TENT4B: variants seen among roughly 807,000 people sequenced by gnomAD.
The protein encoded by TENT4B is PAP associated domain containing 5.
In TENT4B, 10 loss-of-function variants were observed where a neutral mutation model predicts 75.0. That is an observed-to-expected ratio of 0.13 (90% CI 0.08 to 0.23). The LOEUF is 0.23. TENT4B is among the 10% of genes least tolerant of loss of function. The probability of loss-of-function intolerance (pLI) is 1.00; values close to 1 mark genes in which losing one functional copy is unlikely to be tolerated. For synonymous variants in TENT4B, 350 were observed against 357.7 expected, an observed-to-expected ratio of 0.98 and a Z score of 0.24; for missense variants, 579 against 893.8, an observed-to-expected ratio of 0.65 and a Z score of 4.49.
intron 1 of TENT4B, among the ~76,000 whole-genome samples, chr16:50,166,351 C>T (rs751396941): frequency 1.3e-5 from 2 of 152,188 alleles, no homozygotes; most frequent in Non-Finnish European, 2.9e-5. Context: ...TCCCAGAGTT[C>T]TGGGATTACA....
chr16:50,187,517 A>T (rs1170626203), intron 1 of TENT4B, among the ~76,000 whole-genome samples: 1 of 152,194 alleles, frequency 6.6e-6, no homozygotes, highest in East Asian at 1.9e-4. Context: ...CAGGAGGCGG[A>T]GGTTGCAGTG....
chr16:50,171,331 G>A (rs1343640173), intron 1 of TENT4B, among the ~76,000 whole-genome samples: 1 of 152,160 alleles, frequency 6.6e-6, no homozygotes, highest in South Asian at 2.1e-4. Flanking sequence ...AGCCTAGGAA[G>A]TTGAGGCTGC....
chr16:50,214,750 T>C (rs1729025695), intron 3 of TENT4B, among the ~76,000 whole-genome samples: 1 of 152,144 alleles, frequency 6.6e-6, no homozygotes, highest in Non-Finnish European at 1.5e-5. Context: ...TACCAAGACA[T>C]AGATGGTACA....
chr16:50,184,562 G>A (rs905900953), intron 1 of TENT4B, among the ~76,000 whole-genome samples: 2 of 152,194 alleles, frequency 1.3e-5, no homozygotes, highest in Non-Finnish European at 2.9e-5. Context: ...AGCTACGCAG[G>A]AGGCTGAGGC....
chr16:50,189,797 A>T (rs112124385), intron 1 of TENT4B, among the ~76,000 whole-genome samples: 6 of 152,004 alleles, frequency 3.9e-5, no homozygotes, highest in African/African-American at 1.5e-4. Context: ...ACGTAATCCC[A>T]GCACTTTGGG....
chr16:50,155,377 G>C (rs536837358), intron 1 of TENT4B, among the ~76,000 whole-genome samples: 27 of 150,984 alleles, frequency 1.8e-4, no homozygotes, highest in African/African-American at 6.6e-4. Flanking sequence ...TTTACATTGA[G>C]GGCTTTAGCA....
At chr16:50,185,840 AG>A (rs1347025147) in intron 1 of TENT4B, among the ~76,000 whole-genome samples, 1 of 152,078 alleles carries the variant, frequency 6.6e-6, no homozygotes, top group African/African-American at 2.4e-5. Context: ...CTGTCCTCAG[AG>A]GCAAATGTGT....
chr16:50,214,673 A>G (rs1204465330), intron 3 of TENT4B, among the ~76,000 whole-genome samples: 1 of 152,174 alleles, frequency 6.6e-6, no homozygotes, highest in Non-Finnish European at 1.5e-5. Flanking sequence ...AAGTAAGTAA[A>G]TAAATAAAGG....
At chr16:50,154,603 C>T (rs901636124) in intron 1 of TENT4B, among the ~76,000 whole-genome samples, 2 of 151,896 alleles carry the variant, frequency 1.3e-5, no homozygotes, top group African/African-American at 4.8e-5. Context: ...GACCACCACC[C>T]CGCCTCCAGC....
rs2032319764 is a variant in TENT4B, at chr16:50,232,275, GAT to G, written c.*2948_*2949del. On this transcript the variant is annotated 3_prime_UTR_variant, in exon 12 of 12. Transcript: ENST00000561678. ...GCACTCAGTTTTCAAATCTAGCTTG[GAT>G]CTGTAGGACCTATGTTTTTTACAAG... 1.0e-6 allele frequency: 1 copy of G among 985,196 alleles called. No individual in the cohort carries two copies. Among genetic ancestry groups the G allele is most frequent in the South Asian group, 4.7e-5 (1 of 21,288 alleles). 61.0% of individuals were successfully genotyped at this position (985,196 alleles called of 1,614,324 possible). A position where few individuals can be genotyped will look rare whatever the true frequency, so the allele number is the denominator to read the frequency against.
intron 1 of TENT4B, among the ~76,000 whole-genome samples, chr16:50,199,624 T>C (rs2030507340): frequency 1.3e-5 from 2 of 152,234 alleles, no homozygotes; most frequent in African/African-American, 4.8e-5. Context: ...TCATACAGCA[T>C]GTAACCTTTT....
At position 50,153,945 on chromosome 16, in the gene TENT4B, G is replaced by A. The variant is rs186724823; in HGVS notation, c.324G>A (p.Thr108=). 5,078 of 1,533,570 alleles carry A rather than the reference G, an allele frequency of 3.3e-3. 135 individuals carry two copies. The African/African-American group carries it at 0.057, about 17-fold the overall frequency. 95.0% of individuals were successfully genotyped at this position (1,533,570 alleles called of 1,614,324 possible). Residue 108 remains threonine (T), a synonymous_variant, in exon 1 of 12, where the codon ACG becomes ACA. Transcript: ENST00000561678. Reference sequence around the variant, plus strand: ...AGCGGGACTTCCTGCCCCTAGAGACGACCAACAACAACAACAACCACCACC... The same window carrying A: ...AGCGGGACTTCCTGCCCCTAGAGACAACCAACAACAACAACAACCACCACC... The part of the protein sequence containing the change: ...AEQRDFLPLE[T]TNNNNNHHQP...
chr16:50,206,532 C>A (rs2030979491), intron 1 of TENT4B, among the ~76,000 whole-genome samples: 1 of 151,840 alleles, frequency 6.6e-6, no homozygotes, highest in Non-Finnish European at 1.5e-5. Flanking sequence ...GAAAGCTGGA[C>A]CTTGATGTGG....
chr16:50,229,935 AT>A lies in TENT4B; in HGVS notation c.*609del. The A allele has an allele frequency of 1.1e-6, 1 of 935,634 alleles. No homozygotes were observed. Among genetic ancestry groups the A allele is most frequent in the Non-Finnish European group, 1.3e-6 (1 of 784,512 alleles). The allele number at this position is 935,634 out of a possible 1,614,324, so 58.0% of individuals were successfully genotyped here. Reference sequence around the variant, plus strand: ...AATTGTAAACAGATTTTTTCTCAGGATTAGTTTGAAAAATAATCTAAATTGT... The same window carrying A: ...AATTGTAAACAGATTTTTTCTCAGGATAGTTTGAAAAATAATCTAAATTGT... On this transcript the variant is annotated 3_prime_UTR_variant, in exon 12 of 12. Coordinates refer to ENST00000561678, the MANE Select transcript of TENT4B (RefSeq NM_001365324.3).
Position 50,232,477 on chromosome 16 carries a change from T to G in TENT4B, c.*3149T>G. 1.0e-6 allele frequency: 1 copy of G among 985,448 alleles called. No homozygotes were observed. The highest frequency in any genetic ancestry group is 4.7e-5 in the South Asian group (1 of 21,274). 61.0% of individuals were successfully genotyped at this position (985,448 alleles called of 1,614,324 possible). A position where few individuals can be genotyped will look rare whatever the true frequency, so the allele number is the denominator to read the frequency against. On this transcript the variant is annotated 3_prime_UTR_variant, in exon 12 of 12. Coordinates refer to ENST00000561678, the MANE Select transcript of TENT4B (RefSeq NM_001365324.3). ...TGGGCTATAGGGTGAGCATTTTTAA[T>G]TGTCTTTTTCTGCTGGAACCTTATA...
intron 4 of TENT4B, 145 bp from the exon 5 acceptor site, chr16:50,217,411 A>C: frequency 3.6e-6 from 2 of 549,002 alleles, no homozygotes; most frequent in Middle Eastern, 4.8e-4. Flanking sequence ...GACCAGGTTT[A>C]CTGGGGTGTG....
chr16:50,175,349 A>G (rs1286583306), intron 1 of TENT4B, among the ~76,000 whole-genome samples: 1 of 152,188 alleles, frequency 6.6e-6, no homozygotes, highest in Non-Finnish European at 1.5e-5. Context: ...TATTGTGTCT[A>G]GAAAGTCTTC....
Position 50,233,392 on chromosome 16 carries a change from A to T in TENT4B, c.*4064A>T. ...ATATTTAACATAGCTAAGAAGCCAGATTTTACTGTAGAAGTTATTTACATG... is the reference window on the plus strand; with the variant it reads ...ATATTTAACATAGCTAAGAAGCCAGTTTTTACTGTAGAAGTTATTTACATG... On this transcript the variant is annotated 3_prime_UTR_variant, in exon 12 of 12. Transcript: ENST00000561678. 2 of 985,400 alleles carry T rather than the reference A, an allele frequency of 2.0e-6. No individual in the cohort carries two copies. Among genetic ancestry groups the T allele is most frequent in the Non-Finnish European group, 2.4e-6 (2 of 829,918 alleles). The allele number at this position is 985,400 out of a possible 1,614,324, so 61.0% of individuals were successfully genotyped here.
intron 1 of TENT4B, among the ~76,000 whole-genome samples, chr16:50,197,867 T>C (rs1006320363): frequency 6.6e-6 from 1 of 152,112 alleles, no homozygotes; most frequent in African/African-American, 2.4e-5. Flanking sequence ...TGTTTACATC[T>C]CCATTTTGGT....
Sources: gnomAD v4.1 joint callset for allele counts (sites outside exome capture counted in the v4.1 genomes callset) on GRCh38, gnomAD v4.1.1 for gene constraint, MANE v1.5 for transcripts, NCBI Gene and HGNC (gene_info 2026-07-23, HGNC 2026-07-21) for gene names.